CDH13: variants seen among roughly 807,000 people sequenced by gnomAD.
CDH13 encodes cadherin-13.
Under a neutral mutation model 63.8 loss-of-function variants are expected in CDH13, and 24 were observed. The ratio of observed to expected loss-of-function variants is 0.38; its 90% CI spans 0.27 to 0.53. CDH13 has a LOEUF of 0.53. CDH13 is among the 20% of genes least tolerant of loss of function. CDH13 has a pLI of 0.85. For synonymous variants in CDH13, 503 were observed against 355.3 expected (o/e 1.42, Z -4.67); for missense variants, 1,049 against 903.1 (o/e 1.16, Z -2.07).
chr16:83,268,605 G>A (rs979955075), intron 5 of CDH13, among the ~76,000 whole-genome samples: 10 of 152,250 alleles, frequency 6.6e-5, no homozygotes, highest in Middle Eastern at 3.4e-3. Flanking sequence ...TTTTTTGACA[G>A]CACAAGTGAC....
intron 6 of CDH13, among the ~76,000 whole-genome samples, chr16:83,386,001 A>G (rs923554868): frequency 1.6e-4 from 24 of 152,314 alleles, no homozygotes; most frequent in African/African-American, 5.1e-4. Context: ...CAGCATCTCC[A>G]TTTGTAGCTA....
chr16:83,636,834 A>G (rs1356899558), intron 8 of CDH13, among the ~76,000 whole-genome samples: 3 of 152,226 alleles, frequency 2.0e-5, no homozygotes, highest in Non-Finnish European at 4.4e-5. Flanking sequence ...AGAAATGTCC[A>G]GACTGCTCTC....
chr16:82,749,876 G>A (rs970458515), intron 1 of CDH13, among the ~76,000 whole-genome samples: 3 of 151,998 alleles, frequency 2.0e-5, no homozygotes, highest in Admixed American at 2.0e-4. Flanking sequence ...TGTCAGTGAT[G>A]TTATTTTTGC....
intron 10 of CDH13, among the ~76,000 whole-genome samples, chr16:83,712,529 C>A (rs986035766): frequency 1.3e-5 from 2 of 152,224 alleles, no homozygotes; most frequent in Admixed American, 1.3e-4. Flanking sequence ...ATGCTCTGCG[C>A]CCTGCATTTG....
At chr16:83,107,878 G>A (rs1408583336) in intron 3 of CDH13, among the ~76,000 whole-genome samples, 2 of 151,800 alleles carry the variant, frequency 1.3e-5, no homozygotes, top group Non-Finnish European at 2.9e-5. Flanking sequence ...GGAGTGCATT[G>A]GTGTGATCTC....
At chr16:83,420,308 G>T (rs989051821) in intron 6 of CDH13, among the ~76,000 whole-genome samples, 1 of 152,176 alleles carries the variant, frequency 6.6e-6, no homozygotes, top group East Asian at 1.9e-4. Flanking sequence ...GGAGCAGGAG[G>T]TCTGGCTAGA....
intron 5 of CDH13, among the ~76,000 whole-genome samples, chr16:83,319,626 C>G (rs988604161): frequency 2.2e-4 from 34 of 152,084 alleles, no homozygotes; most frequent in Non-Finnish European, 7.4e-5. Context: ...TTTTAAATTA[C>G]TAAACAAAAC....
chr16:82,916,625 T>C (rs1213432799), intron 2 of CDH13, among the ~76,000 whole-genome samples: 1 of 151,858 alleles, frequency 6.6e-6, no homozygotes, highest in African/African-American at 2.4e-5. Context: ...CCTTGATAAA[T>C]GCCATGATAG....
At chr16:83,552,983 G>A (rs1201111651) in intron 7 of CDH13, among the ~76,000 whole-genome samples, 1 of 151,952 alleles carries the variant, frequency 6.6e-6, no homozygotes, top group African/African-American at 2.4e-5. Flanking sequence ...GGAGGCTGAG[G>A]CAGGAGAATC....
intron 1 of CDH13, among the ~76,000 whole-genome samples, chr16:82,707,400 A>G (rs1056842765): frequency 3.3e-5 from 5 of 152,214 alleles, no homozygotes; most frequent in African/African-American, 1.2e-4. Flanking sequence ...GAGAATGAGC[A>G]GGGGTATAAT....
chr16:83,647,134 T>C (rs1314891552), intron 8 of CDH13, among the ~76,000 whole-genome samples: 4 of 151,620 alleles, frequency 2.6e-5, no homozygotes, highest in South Asian at 2.1e-4. Context: ...CACGGTGAAA[T>C]CCCGTCTCTA....
At chr16:83,439,812 A>G (rs2072430986) in intron 6 of CDH13, among the ~76,000 whole-genome samples, 1 of 152,202 alleles carries the variant, frequency 6.6e-6, no homozygotes, top group South Asian at 2.1e-4. Flanking sequence ...GTCAGTGGCT[A>G]CTTTTCTTTT....
intron 7 of CDH13, among the ~76,000 whole-genome samples, chr16:83,505,059 C>T (rs1422377330): frequency 6.6e-6 from 1 of 152,098 alleles, no homozygotes; most frequent in African/African-American, 2.4e-5. Flanking sequence ...TGTGGCACCA[C>T]CTCTGTCTTT....
chr16:83,445,204 T>G (rs1027790564), intron 6 of CDH13, among the ~76,000 whole-genome samples: 2 of 151,928 alleles, frequency 1.3e-5, no homozygotes, highest in Admixed American at 1.3e-4. Flanking sequence ...TTTTCCCATT[T>G]TGCAGCTGAG....
intron 1 of CDH13, among the ~76,000 whole-genome samples, chr16:82,731,613 T>C (rs1294380062): frequency 6.6e-6 from 1 of 152,208 alleles, no homozygotes; most frequent in Non-Finnish European, 1.5e-5. Flanking sequence ...TTCATTTAAA[T>C]GGAAATGGCA....
intron 1 of CDH13, among the ~76,000 whole-genome samples, chr16:82,816,810 CG>C (rs1421205528): frequency 9.7e-6 from 1 of 103,194 alleles, no homozygotes; most frequent in Admixed American, 1.3e-4. Context: ...CTTCGGGGGG[CG>C]GGGGGTGGGG....
intron 3 of CDH13, among the ~76,000 whole-genome samples, chr16:83,034,116 A>C (rs1279179751): frequency 6.6e-6 from 1 of 152,068 alleles, no homozygotes; most frequent in Non-Finnish European, 1.5e-5. Context: ...CAGAATAGCG[A>C]GGTTAAACAG....
At chr16:83,206,045 A>T (rs1325962228) in intron 4 of CDH13, among the ~76,000 whole-genome samples, 1 of 152,102 alleles carries the variant, frequency 6.6e-6, no homozygotes, top group Non-Finnish European at 1.5e-5. Context: ...TACATATTTC[A>T]TTACGGGGTG....
chr16:83,341,503 T>C (rs559497429), intron 5 of CDH13, among the ~76,000 whole-genome samples: 12 of 152,332 alleles, frequency 7.9e-5, no homozygotes, highest in Admixed American at 2.0e-4. Context: ...TTCATCCACA[T>C]CATTAATAAG....
Sources: gnomAD v4.1 joint callset for allele counts (sites outside exome capture counted in the v4.1 genomes callset) on GRCh38, gnomAD v4.1.1 for gene constraint, MANE v1.5 for transcripts, NCBI Gene and HGNC (gene_info 2026-07-23, HGNC 2026-07-21) for gene names.